The following TPGS2 variants were observed in gnomAD, a reference collection of about 807,000 sequenced individuals.
The protein encoded by TPGS2 is tubulin polyglutamylase complex subunit 2.
In TPGS2, 26 loss-of-function variants were observed where a neutral mutation model predicts 31.1. That is an observed-to-expected ratio of 0.84 (90% CI 0.61 to 1.16). TPGS2 has a LOEUF of 1.16. Among genes scored for constraint, TPGS2 ranks in the 50% most tolerant of loss-of-function variants. The pLI is 0.00. For synonymous variants in TPGS2, 130 were observed against 136.6 expected, an observed-to-expected ratio of 0.95 and a Z score of 0.34; for missense variants, 351 against 363.8, an observed-to-expected ratio of 0.96 and a Z score of 0.29.
At chr18:36,802,143 T>G (rs550715105) in intron 4 of TPGS2, among the ~76,000 whole-genome samples, 6 of 152,370 alleles carry the variant, frequency 3.9e-5, no homozygotes, top group African/African-American at 1.2e-4. Flanking sequence ...ATATTTTGTC[T>G]GTTGTTTGTC....
In TPGS2 at chr18:36,800,553, G is replaced by A. The variant is rs557209211; in HGVS notation, c.383-242C>T. ...AATGTCAGGGAATCTGGGAAAAGGAGGCATGAGAAAGCAAACTTCTTGGAA... is the reference window on the plus strand; with the variant it reads ...AATGTCAGGGAATCTGGGAAAAGGAAGCATGAGAAAGCAAACTTCTTGGAA... On this transcript the variant is annotated intron_variant, in intron 4 of 6. Coordinates refer to ENST00000334295, the MANE Select transcript of TPGS2 (RefSeq NM_015476.4). 1.2e-4 allele frequency among the ~76,000 whole-genome samples: 19 copies of A among 152,298 alleles called. 2 individuals carry two copies. In the South Asian group the frequency reaches 3.7e-3, roughly 30 times the overall value.
At chr18:36,810,950 C>G (rs1444739919) in intron 2 of TPGS2, among the ~76,000 whole-genome samples, 1 of 152,132 alleles carries the variant, frequency 6.6e-6, no homozygotes, top group East Asian at 1.9e-4. Flanking sequence ...CCATTATTCC[C>G]CTCACTTTTA....
At chr18:36,821,005 AGCTTACTCCAAAGGTGGGT>A (rs1446899256) in intron 1 of TPGS2, 1 of 152,214 alleles carries the variant, frequency 6.6e-6, no homozygotes, top group Admixed American at 6.5e-5. Flanking sequence ...TCTCTGTGGT[AGCTTACTCCAAAGGTGGGT>A]GCTGTCAATT....
At chr18:36,803,676 T>C (rs1251107605) in intron 4 of TPGS2, among the ~76,000 whole-genome samples, 1 of 152,216 alleles carries the variant, frequency 6.6e-6, no homozygotes, top group African/African-American at 2.4e-5. Flanking sequence ...TTTAAATTTA[T>C]TCATCTATGC....
At chr18:36,802,615 C>T (rs1231353589) in intron 4 of TPGS2, among the ~76,000 whole-genome samples, 1 of 152,042 alleles carries the variant, frequency 6.6e-6, no homozygotes, top group African/African-American at 2.4e-5. Flanking sequence ...TCACTCTTAG[C>T]TGTACCAATG....
At chr18:36,792,171 G>T (rs562038462), downstream of TPGS2, among the ~76,000 whole-genome samples, 3 of 152,226 alleles carry the variant, frequency 2.0e-5, no homozygotes, top group East Asian at 3.9e-4. Flanking sequence ...AGCTACCAGG[G>T]ACTCTCTGAA....
downstream of TPGS2, chr18:36,780,173 C>T: frequency 8.1e-7 from 1 of 1,231,892 alleles, no homozygotes; most frequent in Non-Finnish European, 1.0e-6. Context: ...TTGGAACGGC[C>T]TTCAGATCCT....
chr18:36,791,079 G>A (rs555513507), downstream of TPGS2, among the ~76,000 whole-genome samples: 3 of 152,148 alleles, frequency 2.0e-5, no homozygotes, highest in South Asian at 4.2e-4. Flanking sequence ...ACGAGATCTG[G>A]TTGCTTACTA....
chr18:36,799,967 A>G (rs1027695897), intron 5 of TPGS2, among the ~76,000 whole-genome samples: 5 of 152,178 alleles, frequency 3.3e-5, no homozygotes, highest in African/African-American at 1.2e-4. Context: ...TTCTAATCTC[A>G]TCAACTATTT....
At chr18:36,812,542 C>T (rs987201445) in intron 2 of TPGS2, among the ~76,000 whole-genome samples, 1 of 152,172 alleles carries the variant, frequency 6.6e-6, no homozygotes, top group Admixed American at 6.5e-5. Context: ...GTTCCACGCC[C>T]CTCCCACCAC....
chr18:36,821,818 A>T (rs2045906837), intron 1 of TPGS2, among the ~76,000 whole-genome samples: 1 of 152,214 alleles, frequency 6.6e-6, no homozygotes, highest in South Asian at 2.1e-4. Context: ...GTTACTGCAG[A>T]CTGGCTCAAT....
intron 1 of TPGS2, among the ~76,000 whole-genome samples, chr18:36,821,631 A>G (rs1413320711): frequency 1.3e-5 from 2 of 152,252 alleles, no homozygotes; most frequent in Non-Finnish European, 2.9e-5. Context: ...ATATAAGACA[A>G]ACATGAAACA....
In TPGS2 at chr18:36,805,390, C is replaced by G. The variant is rs1255330391; in HGVS notation, c.366G>C (p.Glu122Asp). 4 of 1,613,904 alleles carry G rather than the reference C, an allele frequency of 2.5e-6. No individual in the cohort carries two copies. Among genetic ancestry groups the G allele is most frequent in the Middle Eastern group, 1.7e-4 (1 of 6,056 alleles). The change falls in exon 4 of 7, where the codon GAG becomes GAC. Residue 122 changes from glutamate (E) to aspartate (D), a missense_variant. Transcript: ENST00000334295. ...LPNAPTLADL[E>D]DDTHEASDDQ... ...TCTTCCTACCTTCATGTGTATCGTC[C>G]TCCAGGTCTGCCAGAGTGGGTGCAT... is the stretch of plus-strand genomic sequence containing the variant.
chr18:36,781,257 G>C (rs2044005309), downstream of TPGS2, among the ~76,000 whole-genome samples: 1 of 152,162 alleles, frequency 6.6e-6, no homozygotes, highest in African/African-American at 2.4e-5. Flanking sequence ...TTCCCTGTGA[G>C]GAACCTCTGT....
chr18:36,800,132 G>A, intron 5 of TPGS2, 66 bp downstream of exon 5: 1 of 1,432,620 alleles, frequency 7.0e-7, no homozygotes, highest in Non-Finnish European at 9.8e-7. Flanking sequence ...CTGAGCCATG[G>A]CTGACAAGCA....
downstream of TPGS2, chr18:36,780,286 T>C (rs2043974169): frequency 1.1e-6 from 1 of 924,776 alleles, no homozygotes; most frequent in Non-Finnish European, 1.4e-6. Flanking sequence ...GTGTTAGCTG[T>C]TGTTAACCTA....
At position 36,811,010 on chromosome 18, in the gene TPGS2, G is replaced by A. The variant is rs1165718824; in HGVS notation, c.166-3076C>T. 2.0e-5 allele frequency among the ~76,000 whole-genome samples: 3 copies of A among 152,316 alleles called. No individual in the cohort carries two copies. The East Asian group carries it at 5.8e-4, about 29-fold the overall frequency. ...AGATGCAGGATCAGGTCAGCATAGG[G>A]CCCAAAGGACAGAAATCAATGTCTC... On this transcript the variant is annotated intron_variant, in intron 2 of 6. Coordinates refer to ENST00000334295, the MANE Select transcript of TPGS2 (RefSeq NM_015476.4).
At chr18:36,810,990 C>T (rs1269452845) in intron 2 of TPGS2, among the ~76,000 whole-genome samples, 3 of 152,186 alleles carry the variant, frequency 2.0e-5, no homozygotes, top group South Asian at 2.1e-4. Flanking sequence ...GGAGCAGATG[C>T]AGGATCAGGT....
chr18:36,796,167 G>C lies in TPGS2; in HGVS notation c.*638C>G. The C allele has an allele frequency of 1.0e-6, 1 of 985,412 alleles. No individual in the cohort carries two copies. 61.0% of individuals were successfully genotyped at this position (985,412 alleles called of 1,614,324 possible). A position where few individuals can be genotyped will look rare whatever the true frequency, so the allele number is the denominator to read the frequency against. On this transcript the variant is annotated 3_prime_UTR_variant, in exon 7 of 7. Transcript: ENST00000334295. ...ACAAAGAACATACAATTGTGTACTT[G>C]AGAGGTTTCATGGAACATTATGACC...
Sources: gnomAD v4.1 joint callset for allele counts (sites outside exome capture counted in the v4.1 genomes callset) on GRCh38, gnomAD v4.1.1 for gene constraint, MANE v1.5 for transcripts, NCBI Gene and HGNC (gene_info 2026-07-23, HGNC 2026-07-21) for gene names.